Variants in LHFPL5 observed in about 807,000 individuals in gnomAD.
LHFPL5 encodes LHFPL tetraspan subfamily member 5 protein.
LHFPL5 carries 12 observed loss-of-function variants against 18.7 expected under a neutral mutation model. That is an observed-to-expected ratio of 0.64 (90% CI 0.41 to 1.04). The LOEUF (loss-of-function observed/expected upper bound fraction) is 1.04. Among genes scored for constraint, LHFPL5 ranks in the 50% least tolerant of loss-of-function variants. The probability of loss-of-function intolerance (pLI) is 0.00; values close to 1 mark genes in which losing one functional copy is unlikely to be tolerated. For synonymous variants in LHFPL5, 111 were observed against 120.2 expected (o/e 0.92, Z 0.50); for missense variants, 259 against 292.1 (o/e 0.89, Z 0.83).
At position 35,823,454 on chromosome 6, in the gene LHFPL5, C is replaced by CACACATATAT. The variant is rs1768914928; in HGVS notation, c.*494_*495insTATATACACA. On this transcript the variant is annotated 3_prime_UTR_variant, in exon 4 of 4. Coordinates refer to ENST00000360215, the MANE Select transcript of LHFPL5 (RefSeq NM_182548.4). ...ATACACACACACATATATATACACA[C>CACACATATAT]ACACACACACACACACACACACACT... 3 of 127,408 alleles carry CACACATATAT rather than the reference C, an allele frequency of 2.4e-5. No homozygotes were observed. The highest frequency in any genetic ancestry group is 9.9e-5 in the African/African-American group (3 of 30,198). The allele number at this position is 127,408 out of a possible 1,614,324, so 7.9% of individuals were successfully genotyped here.
chr6:35,811,030 G>C (rs1468389804), intron 1 of LHFPL5, among the ~76,000 whole-genome samples: 1 of 152,130 alleles, frequency 6.6e-6, no homozygotes, highest in Non-Finnish European at 1.5e-5. Context: ...ACCCTCGCTA[G>C]TGGCATCAGT....
intron 1 of LHFPL5, among the ~76,000 whole-genome samples, chr6:35,809,783 C>T (rs1200175809): frequency 1.3e-5 from 2 of 152,286 alleles, no homozygotes; most frequent in Middle Eastern, 3.4e-3. Flanking sequence ...GGATTACAGG[C>T]GTGAGCCACC....
intron 1 of LHFPL5, chr6:35,811,236 A>G (rs1000705778): frequency 6.6e-6 from 1 of 152,262 alleles, no homozygotes; most frequent in African/African-American, 2.4e-5. Flanking sequence ...ATTCGTGAGC[A>G]GCTCTAATGG....
chr6:35,811,493 A>G (rs975290940), intron 1 of LHFPL5: 7 of 152,420 alleles, frequency 4.6e-5, no homozygotes, highest in African/African-American at 1.7e-4. Flanking sequence ...TTGAGATGCC[A>G]CAACTGGGGC....
intron 3 of LHFPL5, among the ~76,000 whole-genome samples, chr6:35,822,327 CT>C (rs1312731248): frequency 2.0e-5 from 3 of 151,938 alleles, no homozygotes; most frequent in Non-Finnish European, 4.4e-5. Context: ...CTCTGTTTGC[CT>C]TTTTTTTCCT....
chr6:35,808,581 AT>A (rs1287017685), intron 1 of LHFPL5, among the ~76,000 whole-genome samples: 164 of 119,418 alleles, frequency 1.4e-3, no homozygotes, highest in Middle Eastern at 8.8e-3. Flanking sequence ...ATATATATAT[AT>A]ATATATATAT....
At chr6:35,808,960 G>A (rs546999536) in intron 1 of LHFPL5, among the ~76,000 whole-genome samples, 4 of 152,268 alleles carry the variant, frequency 2.6e-5, no homozygotes, top group East Asian at 3.9e-4. Flanking sequence ...GCTGTGCTGC[G>A]GAAGGGGAAA....
At position 35,823,844 on chromosome 6, in the gene LHFPL5, T is replaced by C. The variant is rs1039754956; in HGVS notation, c.*879T>C. ...TTACTTATGTTCAAGTAATTTGTTA[T>C]AGGAATAGATGACATTTTTTTTTTT... On this transcript the variant is annotated 3_prime_UTR_variant, in exon 4 of 4. Coordinates refer to ENST00000360215, the MANE Select transcript of LHFPL5 (RefSeq NM_182548.4). 2.7e-5 allele frequency: 4 copies of C among 148,354 alleles called. No homozygotes were observed. The highest frequency in any genetic ancestry group is 6.0e-5 in the Non-Finnish European group (4 of 67,054). The allele number at this position is 148,354 out of a possible 1,614,324, so 9.2% of individuals were successfully genotyped here. A position where few individuals can be genotyped will look rare whatever the true frequency, so the allele number is the denominator to read the frequency against.
intron 3 of LHFPL5, chr6:35,819,682 C>CTTT: frequency 5.9e-6 from 3 of 506,130 alleles, no homozygotes; most frequent in Non-Finnish European, 7.1e-6. Context: ...TTACCTGTGT[C>CTTT]TTTTTTTTTT....
rs1768925503 is a variant in LHFPL5 at position 35,823,885 on chromosome 6, T to TGGCATATA, written c.*922_*929dup. 1 of 152,148 alleles carries TGGCATATA rather than the reference T, an allele frequency of 6.6e-6. No individual in the cohort carries two copies. The allele number at this position is 152,148 out of a possible 1,614,324, so 9.4% of individuals were successfully genotyped here. ...TTTTTTTTTTCAAAAACTTTGGATT[T>TGGCATATA]GGCATATAGTCATCTATAGGGGGAT... On this transcript the variant is annotated 3_prime_UTR_variant, in exon 4 of 4. Transcript: ENST00000360215.
intron 2 of LHFPL5, among the ~76,000 whole-genome samples, chr6:35,815,703 T>C (rs190712167): frequency 1.9e-4 from 29 of 152,196 alleles, no homozygotes; most frequent in Admixed American, 8.5e-4. Flanking sequence ...CATGAGGAAC[T>C]TGAAGCCCAA....
At chr6:35,811,608 G>A (rs1334981803) in intron 1 of LHFPL5, among the ~76,000 whole-genome samples, 1 of 152,134 alleles carries the variant, frequency 6.6e-6, no homozygotes, top group Non-Finnish European at 1.5e-5. Flanking sequence ...GCTTTTTTCC[G>A]GAGCCCCCAC....
intron 1 of LHFPL5, among the ~76,000 whole-genome samples, chr6:35,810,540 C>A (rs527467533): frequency 1.2e-4 from 18 of 152,120 alleles, no homozygotes; most frequent in Admixed American, 6.6e-5. Flanking sequence ...CACAGTGACA[C>A]CCCGTGTTAC....
intron 1 of LHFPL5, among the ~76,000 whole-genome samples, chr6:35,809,524 C>A (rs948792806): frequency 6.6e-6 from 1 of 152,118 alleles, no homozygotes; most frequent in African/African-American, 2.4e-5. Context: ...GAGTCAAGGT[C>A]TCAAAAATGA....
chr6:35,810,994 C>T (rs1336681796), intron 1 of LHFPL5, among the ~76,000 whole-genome samples: 1 of 152,142 alleles, frequency 6.6e-6, no homozygotes, highest in Admixed American at 6.5e-5. Context: ...TCGGTGGGGG[C>T]TCCGCTCTCA....
chr6:35,815,625 C>T (rs1238150539), intron 2 of LHFPL5, among the ~76,000 whole-genome samples: 3 of 152,182 alleles, frequency 2.0e-5, no homozygotes, highest in African/African-American at 7.2e-5. Flanking sequence ...TAGCTGTCTT[C>T]ACATTAGCCC....
intron 1 of LHFPL5, among the ~76,000 whole-genome samples, chr6:35,810,512 C>G (rs1474215599): frequency 2.0e-5 from 3 of 151,870 alleles, no homozygotes; most frequent in African/African-American, 7.3e-5. Flanking sequence ...GTCAGGAGAT[C>G]GAGACCATCC....
intron 3 of LHFPL5, chr6:35,819,931 T>TTG: frequency 5.2e-6 from 1 of 192,734 alleles, no homozygotes; most frequent in South Asian, 1.1e-4. Context: ...TGCCTGCCCC[T>TTG]GCCTCCCAAA....
At chr6:35,817,919 A>C (rs957338902) in intron 2 of LHFPL5, among the ~76,000 whole-genome samples, 1 of 152,248 alleles carries the variant, frequency 6.6e-6, no homozygotes, top group Non-Finnish European at 1.5e-5. Flanking sequence ...TCATGGCAGC[A>C]TAATAGCCAA....
Sources: gnomAD v4.1 joint callset for allele counts (sites outside exome capture counted in the v4.1 genomes callset) on GRCh38, gnomAD v4.1.1 for gene constraint, MANE v1.5 for transcripts, NCBI Gene and HGNC (gene_info 2026-07-23, HGNC 2026-07-21) for gene names.